The following RIPOR2 variants were observed in gnomAD, a reference collection of about 807,000 sequenced individuals.
RIPOR2 encodes the protein rho family-interacting cell polarization regulator 2.
RIPOR2 carries 39 observed loss-of-function variants against 114.5 expected under a neutral mutation model. The ratio of observed to expected loss-of-function variants is 0.34; its 90% confidence interval spans 0.26 to 0.44. RIPOR2 has a LOEUF of 0.44. Ranked by LOEUF, RIPOR2 falls within the 20% of genes least tolerant of loss-of-function variation. RIPOR2 has a pLI of 1.00. For missense variants in RIPOR2, 1,007 were observed against 1,255.1 expected, an observed-to-expected ratio of 0.80 and a Z score of 2.99; for synonymous variants, 445 against 484.4, an observed-to-expected ratio of 0.92 and a Z score of 1.07.
intron 1 of RIPOR2, among the ~76,000 whole-genome samples, chr6:24,914,693 G>A (rs1379187202): frequency 1.3e-5 from 2 of 152,172 alleles, no homozygotes; most frequent in Non-Finnish European, 1.5e-5. Context: ...GTTGAAGAAC[G>A]GACTCAGCCA....
intron 12 of RIPOR2, among the ~76,000 whole-genome samples, chr6:24,846,300 C>CTTTTTT (rs1562253042): frequency 1.8e-5 from 2 of 111,316 alleles, no homozygotes; most frequent in Non-Finnish European, 1.9e-5. Context: ...TTTTCACCTG[C>CTTTTTT]CTTTTTTTTT....
chr6:24,875,085 C>G (rs1025596547), intron 2 of RIPOR2, among the ~76,000 whole-genome samples: 2 of 152,224 alleles, frequency 1.3e-5, no homozygotes, highest in African/African-American at 4.8e-5. Flanking sequence ...TCGTTATACT[C>G]TCTGCCATCA....
At position 24,835,829 on chromosome 6, in the gene RIPOR2, T is replaced by C. The variant is rs1562235439; in HGVS notation, c.2082A>G (p.Glu694=). Residue 694 remains glutamate, a synonymous_variant, in exon 15 of 22, where the codon GAA becomes GAG. Transcript: ENST00000643898. ...VHPEARGHLS[E]ALTEDTGVGT... ...CAACTCCTGTGTCTTCAGTGAGCGC[T>C]TCACTGAGATGCCCCCTGGCTTCTG... is the stretch of plus-strand genomic sequence containing the variant. 6.4e-7 allele frequency: 1 copy of C among 1,551,546 alleles called. No individual in the cohort carries two copies. The highest frequency in any genetic ancestry group is 8.7e-7 in the Non-Finnish European group (1 of 1,146,936).
intron 1 of RIPOR2, among the ~76,000 whole-genome samples, chr6:24,964,218 C>G (rs1212386695): frequency 1.3e-5 from 2 of 151,370 alleles, no homozygotes; most frequent in Non-Finnish European, 2.9e-5. Context: ...GTCCCTGTAA[C>G]TACCATCACA....
chr6:24,989,072 A>G (rs1490052203), intron 1 of RIPOR2, among the ~76,000 whole-genome samples: 4 of 152,062 alleles, frequency 2.6e-5, no homozygotes, highest in African/African-American at 9.7e-5. Context: ...TCTTGGATTC[A>G]TTATTTATTT....
At chr6:25,016,812 AT>A (rs1442582399) in intron 1 of RIPOR2, among the ~76,000 whole-genome samples, 7 of 152,210 alleles carry the variant, frequency 4.6e-5, no homozygotes, top group Non-Finnish European at 8.8e-5. Flanking sequence ...ATTAATTCCA[AT>A]TTTAGTTCTG....
chr6:24,983,098 A>C (rs116611996), intron 1 of RIPOR2, among the ~76,000 whole-genome samples: 1 of 151,978 alleles, frequency 6.6e-6, no homozygotes. Flanking sequence ...ACTAGAATCT[A>C]TGCTCCTGGG....
intron 18 of RIPOR2, among the ~76,000 whole-genome samples, chr6:24,827,392 C>T (rs980921532): frequency 5.3e-5 from 8 of 152,182 alleles, no homozygotes; most frequent in Admixed American, 1.3e-4. Context: ...CCTGGGCTTG[C>T]GCCAGACATG....
chr6:24,923,250 T>C (rs1055090132), intron 1 of RIPOR2, among the ~76,000 whole-genome samples: 6 of 152,234 alleles, frequency 3.9e-5, no homozygotes, highest in African/African-American at 1.4e-4. Context: ...ATTGTGTGTA[T>C]ATACTGTACT....
chr6:24,833,125 A>G (rs999504058), intron 15 of RIPOR2, among the ~76,000 whole-genome samples: 3 of 152,012 alleles, frequency 2.0e-5, no homozygotes, highest in Admixed American at 6.6e-5. Flanking sequence ...CAATGGTTCT[A>G]CTCCTTTCTG....
chr6:24,969,500 T>C (rs557459207), intron 1 of RIPOR2, among the ~76,000 whole-genome samples: 1 of 152,332 alleles, frequency 6.6e-6, no homozygotes, highest in Non-Finnish European at 1.5e-5. Context: ...CTGAGTTGAA[T>C]AACTTTTTAC....
At chr6:24,806,726 T>G (rs1780794647) in intron 21 of RIPOR2, among the ~76,000 whole-genome samples, 1 of 152,182 alleles carries the variant, frequency 6.6e-6, no homozygotes, top group Non-Finnish European at 1.5e-5. Context: ...AGAGTAGAAG[T>G]CTTATGGCCA....
intron 1 of RIPOR2, among the ~76,000 whole-genome samples, chr6:24,962,162 T>C (rs1750664290): frequency 6.6e-6 from 1 of 152,152 alleles, no homozygotes; most frequent in Non-Finnish European, 1.5e-5. Context: ...CAGTGGGAGA[T>C]ATGATTGTAT....
At chr6:24,809,286 C>T (rs1419838738) in intron 21 of RIPOR2, among the ~76,000 whole-genome samples, 1 of 152,138 alleles carries the variant, frequency 6.6e-6, no homozygotes, top group Non-Finnish European at 1.5e-5. Context: ...ACCTGGGAGT[C>T]AGGGTGAGGC....
At chr6:24,949,499 A>C (rs1025325869) in intron 1 of RIPOR2, among the ~76,000 whole-genome samples, 2 of 152,070 alleles carry the variant, frequency 1.3e-5, no homozygotes, top group African/African-American at 4.8e-5. Flanking sequence ...GCTTTTCAGG[A>C]CATCTTTAGG....
chr6:24,918,384 G>A (rs1770245198), intron 1 of RIPOR2, among the ~76,000 whole-genome samples: 1 of 151,922 alleles, frequency 6.6e-6, no homozygotes, highest in Admixed American at 6.6e-5. Flanking sequence ...TCTTCTTCAG[G>A]TAGCTCCTTT....
intron 1 of RIPOR2, among the ~76,000 whole-genome samples, chr6:25,020,506 A>G (rs1314081413): frequency 2.6e-5 from 4 of 152,234 alleles, no homozygotes; most frequent in Non-Finnish European, 4.4e-5. Flanking sequence ...GAGAGCATCA[A>G]CATAGATTAA....
intron 1 of RIPOR2, among the ~76,000 whole-genome samples, chr6:25,008,959 G>T (rs147235059): frequency 6.6e-6 from 1 of 152,250 alleles, no homozygotes; most frequent in Non-Finnish European, 1.5e-5. Context: ...TAGCTTGCTT[G>T]AGCTCATGTA....
intron 1 of RIPOR2, among the ~76,000 whole-genome samples, chr6:24,909,278 C>T (rs940831678): frequency 6.6e-6 from 1 of 152,074 alleles, no homozygotes; most frequent in African/African-American, 2.4e-5. Context: ...GCAGTTTGTT[C>T]CTACAGAAGG....
Sources: gnomAD v4.1 joint callset for allele counts (sites outside exome capture counted in the v4.1 genomes callset) on GRCh38, gnomAD v4.1.1 for gene constraint, MANE v1.5 for transcripts, NCBI Gene and HGNC (gene_info 2026-07-23, HGNC 2026-07-21) for gene names.